CLSTN2: variants seen among roughly 807,000 people sequenced by gnomAD.
The protein encoded by CLSTN2 is calsyntenin 2.
Under a neutral mutation model 101.2 loss-of-function variants are expected in CLSTN2, and 48 were observed. The observed-to-expected ratio is 0.47, with a 90% confidence interval of 0.38 to 0.60. The LOEUF is 0.60. CLSTN2 is among the 20% of genes least tolerant of loss of function. The pLI is 0.00. For synonymous variants in CLSTN2, 481 were observed against 463.6 expected (o/e 1.04, Z -0.48); for missense variants, 1,160 against 1,238.2 (o/e 0.94, Z 0.95).
chr3:140,459,429 T>C, intron 6 of CLSTN2, 92 bp from the exon 7 acceptor site: 1 of 1,432,804 alleles, frequency 7.0e-7, no homozygotes, highest in South Asian at 1.2e-5. Context: ...TCTGAGTAAG[T>C]ACACTGAGTA....
intron 2 of CLSTN2, among the ~76,000 whole-genome samples, chr3:140,311,520 C>T (rs1288909039): frequency 6.7e-6 from 1 of 150,170 alleles, no homozygotes; most frequent in African/African-American, 2.5e-5. Flanking sequence ...CCATGTTGGC[C>T]AGGCTGTTCT....
At chr3:140,366,877 G>A (rs1214415528) in intron 2 of CLSTN2, among the ~76,000 whole-genome samples, 1 of 152,220 alleles carries the variant, frequency 6.6e-6, no homozygotes, top group Non-Finnish European at 1.5e-5. Context: ...CCTGGGCGTT[G>A]TGAATGACAA....
At position 140,546,630 on chromosome 3, in the gene CLSTN2, C is replaced by T; in HGVS notation, c.1623C>T (p.Cys541=). ...AGGTGATCTCCTGCCTGCAGGCCTG[C>T]AAGGAAGGGCTGGACATTAATTCCT... ...SQKVISCLQA[C]KEGLDINSLE... is the part of the protein sequence containing the mutation. Residue 541 remains cysteine, a synonymous_variant, in exon 10 of 17, where the codon TGC becomes TGT. Transcript: ENST00000458420. 1 of 1,613,900 alleles carries T rather than the reference C, an allele frequency of 6.2e-7. No individual in the cohort carries two copies. Among genetic ancestry groups the T allele is most frequent in the Non-Finnish European group, 8.5e-7 (1 of 1,179,972 alleles).
chr3:140,393,817 G>A (rs1376793944), intron 2 of CLSTN2, among the ~76,000 whole-genome samples: 1 of 152,140 alleles, frequency 6.6e-6, no homozygotes, highest in Non-Finnish European at 1.5e-5. Context: ...TTGTAACTGG[G>A]TCCAGGGCAG....
At chr3:139,954,310 T>C (rs1288456975) in intron 1 of CLSTN2, among the ~76,000 whole-genome samples, 1 of 152,218 alleles carries the variant, frequency 6.6e-6, no homozygotes, top group Non-Finnish European at 1.5e-5. Context: ...ATTTGGAGAA[T>C]ACTGTGTAGT....
At chr3:140,114,777 A>G (rs746655356) in intron 1 of CLSTN2, among the ~76,000 whole-genome samples, 1 of 152,150 alleles carries the variant, frequency 6.6e-6, no homozygotes, top group Non-Finnish European at 1.5e-5. Context: ...GAGCAAAGAT[A>G]ATGAATAACA....
intron 1 of CLSTN2, among the ~76,000 whole-genome samples, chr3:140,145,012 T>C (rs1461283374): frequency 6.6e-6 from 1 of 152,258 alleles, no homozygotes; most frequent in Non-Finnish European, 1.5e-5. Context: ...TGGGCCCTTA[T>C]GTACTCATTG....
chr3:140,136,710 T>G (rs2009621406), intron 1 of CLSTN2, among the ~76,000 whole-genome samples: 1 of 152,190 alleles, frequency 6.6e-6, no homozygotes, highest in African/African-American at 2.4e-5. Flanking sequence ...GACTCTCAAT[T>G]GCCTTGCAGA....
chr3:140,004,037 C>T (rs1281106475), intron 1 of CLSTN2, among the ~76,000 whole-genome samples: 1 of 151,968 alleles, frequency 6.6e-6, no homozygotes, highest in African/African-American at 2.4e-5. Context: ...TATTATTTTC[C>T]ACAAGAGAAG....
intron 8 of CLSTN2, among the ~76,000 whole-genome samples, chr3:140,469,531 A>G (rs1237548041): frequency 6.6e-6 from 1 of 152,168 alleles, no homozygotes; most frequent in Non-Finnish European, 1.5e-5. Flanking sequence ...CACCTCCCCC[A>G]GGAAGCCATC....
intron 3 of CLSTN2, 29 bp downstream of exon 3, chr3:140,403,853 G>T (rs770166493): frequency 1.9e-6 from 3 of 1,569,138 alleles, no homozygotes; most frequent in South Asian, 2.3e-5. Flanking sequence ...CCCTCTGGAC[G>T]CCCCTCCCTC....
rs961092463 is a variant in CLSTN2 at position 140,459,904 on chromosome 3, T to C, written c.1222+135T>C. On this transcript the variant is annotated intron_variant, in intron 7 of 16. Transcript: ENST00000458420. The stretch of plus-strand genomic sequence containing the variant: ...GCCTGAGAGGAACCCTGCCAATATA[T>C]ATTCTGGTCTCTGGTTTTCTGGCTG... The C allele has an allele frequency of 3.9e-5, 39 of 1,008,548 alleles. No individual in the cohort carries two copies. In the South Asian group the frequency reaches 4.3e-4, roughly 11 times the overall value. The allele number at this position is 1,008,548 out of a possible 1,614,324, so 62.5% of individuals were successfully genotyped here. A position where few individuals can be genotyped will look rare whatever the true frequency, so the allele number is the denominator to read the frequency against.
chr3:140,342,628 T>G (rs148871045), intron 2 of CLSTN2, among the ~76,000 whole-genome samples: 134 of 152,320 alleles, frequency 8.8e-4, no homozygotes, highest in African/African-American at 3.2e-3. Flanking sequence ...TTCTGGATTT[T>G]GTGGACTTTA....
intron 2 of CLSTN2, among the ~76,000 whole-genome samples, chr3:140,340,442 C>T (rs1049808405): frequency 6.6e-6 from 1 of 152,170 alleles, no homozygotes; most frequent in Non-Finnish European, 1.5e-5. Flanking sequence ...ATTGTATATG[C>T]AAAGAGAGGG....
intron 2 of CLSTN2, among the ~76,000 whole-genome samples, chr3:140,264,893 T>C (rs2086682585): frequency 6.6e-6 from 1 of 152,154 alleles, no homozygotes; most frequent in African/African-American, 2.4e-5. Context: ...GTGCTTTCTC[T>C]GTGCCAGACT....
At chr3:140,022,146 A>G (rs550186044) in intron 1 of CLSTN2, among the ~76,000 whole-genome samples, 2 of 152,330 alleles carry the variant, frequency 1.3e-5, no homozygotes, top group East Asian at 3.9e-4. Flanking sequence ...TGGTTGCCCC[A>G]GAGGGCTCTG....
chr3:140,518,778 C>G (rs931891040), intron 8 of CLSTN2, among the ~76,000 whole-genome samples: 2 of 152,204 alleles, frequency 1.3e-5, no homozygotes, highest in Non-Finnish European at 2.9e-5. Context: ...CGTGAGCCTC[C>G]ACATGTCGCT....
intron 1 of CLSTN2, among the ~76,000 whole-genome samples, chr3:140,164,890 G>A (rs2010108869): frequency 6.6e-6 from 1 of 152,114 alleles, no homozygotes; most frequent in Non-Finnish European, 1.5e-5. Context: ...AAATAGGTAT[G>A]GTGAGTGGAC....
chr3:140,456,116 G>C (rs1933392040), intron 6 of CLSTN2, among the ~76,000 whole-genome samples: 1 of 152,310 alleles, frequency 6.6e-6, no homozygotes, highest in East Asian at 1.9e-4. Flanking sequence ...CACTAACTGG[G>C]TATCTGAGAG....
Sources: gnomAD v4.1 joint callset for allele counts (sites outside exome capture counted in the v4.1 genomes callset) on GRCh38, gnomAD v4.1.1 for gene constraint, MANE v1.5 for transcripts, NCBI Gene and HGNC (gene_info 2026-07-23, HGNC 2026-07-21) for gene names.